Variants in RGP1 observed in about 807,000 individuals in gnomAD.
RGP1 encodes RGP1 partner of RAB6A GEF complex, also known as RAB6A-GEF complex partner protein 2.
In RGP1, 28 loss-of-function variants were observed where a neutral mutation model predicts 44.5. That is an observed-to-expected ratio of 0.63 (90% CI 0.47 to 0.86). RGP1 has a LOEUF of 0.86. RGP1 is among the 40% of genes least tolerant of loss of function. The pLI, the probability that RGP1 is intolerant of heterozygous loss-of-function variation, is 0.00. For synonymous variants in RGP1, 212 were observed against 196.7 expected (o/e 1.08, Z -0.65); for missense variants, 417 against 490.7 (o/e 0.85, Z 1.42).
the RGP1 span, among the ~76,000 whole-genome samples, chr9:35,767,228 C>G: frequency 6.7e-6 from 1 of 149,416 alleles, no homozygotes; most frequent in South Asian, 2.1e-4. Flanking sequence ...GTTCCTGTTA[C>G]TGTTGAGGTG....
At position 35,749,720 on chromosome 9, in the gene RGP1, G is replaced by A. The variant is rs764868509; in HGVS notation, c.-19-17G>A. On this transcript the variant is annotated splice_polypyrimidine_tract_variant and intron_variant, in intron 1 of 8. Transcript: ENST00000378078. The surrounding 1 kb of genome is among the most constrained non-coding windows in gnomAD (Gnocchi z 4.4). Reference sequence around the variant, plus strand: ...CTGTCAAGGTGCTGACCTCCGCCCCGCCTTGTTTCCTTCTAGATCTGATTC... The same window carrying A: ...CTGTCAAGGTGCTGACCTCCGCCCCACCTTGTTTCCTTCTAGATCTGATTC... 1.2e-5 allele frequency: 18 copies of A among 1,501,876 alleles called. No homozygotes were observed. The highest frequency in any genetic ancestry group is 2.3e-5 in the East Asian group (1 of 43,934). 93.0% of individuals were successfully genotyped at this position (1,501,876 alleles called of 1,614,324 possible). A position where few individuals can be genotyped will look rare whatever the true frequency, so the allele number is the denominator to read the frequency against.
chr9:35,774,924 C>G, the RGP1 span, among the ~76,000 whole-genome samples: 2 of 152,052 alleles, frequency 1.3e-5, no homozygotes, highest in Non-Finnish European at 2.9e-5. Flanking sequence ...TCTTTTTCAG[C>G]AGCCTCCTCC....
Position 35,753,475 on chromosome 9 carries a change from C to T in RGP1, c.*601C>T. 1 of 766,288 alleles carries T rather than the reference C, an allele frequency of 1.3e-6. No individual in the cohort carries two copies. Among genetic ancestry groups the T allele is most frequent in the Non-Finnish European group, 2.1e-6 (1 of 476,354 alleles). 47.5% of individuals were successfully genotyped at this position (766,288 alleles called of 1,614,324 possible). On this transcript the variant is annotated 3_prime_UTR_variant, in exon 9 of 9. Transcript: ENST00000378078. The surrounding 1 kb of genome is among the most constrained non-coding windows in gnomAD (Gnocchi z 4.2). The stretch of plus-strand genomic sequence containing the variant: ...CAGGAGTATTTTCTCTCCAGGTCCA[C>T]CCCAACCTCCCCTGATTTATAGCCT...
Position 35,751,983 on chromosome 9 carries a change from C to A in RGP1, c.790C>A (p.Arg264Ser). 1 of 1,588,686 alleles carries A rather than the reference C, an allele frequency of 6.3e-7. No homozygotes were observed. Among genetic ancestry groups the A allele is most frequent in the Non-Finnish European group, 8.6e-7 (1 of 1,167,606 alleles). Residue 264 changes from arginine (R) to serine (S), a missense_variant, in exon 8 of 9, where the codon CGT (arginine) becomes AGT (serine). By Grantham distance (110) the Arg-to-Ser change is moderately radical. Coordinates refer to ENST00000378078, the MANE Select transcript of RGP1 (RefSeq NM_001080496.3). ...QFSVSLQTEE[R>S]VQPEYQRRRG... ...TTCAGTCAGCTTACAGACCGAGGAGCGTGTACAGCCTGAGTACCAGCGGCG... is the reference window on the plus strand; with the variant it reads ...TTCAGTCAGCTTACAGACCGAGGAGAGTGTACAGCCTGAGTACCAGCGGCG...
chr9:35,772,742 G>A, the RGP1 span, among the ~76,000 whole-genome samples: 1 of 148,020 alleles, frequency 6.8e-6, no homozygotes, highest in South Asian at 2.1e-4. Context: ...AGTGAGCCGA[G>A]ATCGGACCAC....
the RGP1 span, among the ~76,000 whole-genome samples, chr9:35,769,375 T>C: frequency 1.3e-5 from 2 of 151,408 alleles, no homozygotes; most frequent in African/African-American, 2.5e-5. Context: ...TTGTCATTCA[T>C]TTTTTTTCTC....
At chr9:35,751,435 C>T (rs766333768) in intron 6 of RGP1, 23 bp downstream of exon 6, 7 of 1,613,406 alleles carry the variant, frequency 4.3e-6, no homozygotes, top group Non-Finnish European at 5.1e-6. Context: ...TCAGAATTGT[C>T]CTACCCCATC....
chr9:35,784,524 A>T, the RGP1 span, among the ~76,000 whole-genome samples: 1 of 152,128 alleles, frequency 6.6e-6, no homozygotes, highest in African/African-American at 2.4e-5. Context: ...ATTTCGGCTC[A>T]CTGCAACCTC....
In RGP1 at chr9:35,752,857, A is replaced by T; in HGVS notation, c.1159A>T (p.Ser387Cys). 1 of 1,613,798 alleles carries T rather than the reference A, an allele frequency of 6.2e-7. No homozygotes were observed. The highest frequency in any genetic ancestry group is 8.5e-7 in the Non-Finnish European group (1 of 1,179,824). Reference protein sequence around the residue: ...ASYAAPGPSTSTITI With the variant: ...ASYAAPGPSTCTITI ...ATATGCTGCCCCAGGCCCCAGCACC[A>T]GCACCATAACCATCTGAAACTGGCC... Residue 387 changes from serine to cysteine, a missense_variant, in exon 9 of 9, where the codon AGC (serine) becomes TGC (cysteine). By Grantham distance (112) the Ser-to-Cys change is moderately radical (BLOSUM62 -1). Transcript: ENST00000378078.
the RGP1 span, among the ~76,000 whole-genome samples, chr9:35,779,343 T>G: frequency 6.7e-6 from 1 of 149,338 alleles, no homozygotes; most frequent in Non-Finnish European, 1.5e-5. Context: ...AGCAAGGGAG[T>G]ATGAAAGAGA....
the RGP1 span, among the ~76,000 whole-genome samples, chr9:35,769,397 C>A: frequency 7.3e-6 from 1 of 136,302 alleles, no homozygotes; most frequent in Non-Finnish European, 1.5e-5. Context: ...TTCGCTCATT[C>A]TTTTATTGAG....
At chr9:35,761,098 A>G (rs1034969889), downstream of RGP1, among the ~76,000 whole-genome samples, 4 of 152,256 alleles carry the variant, frequency 2.6e-5, no homozygotes, top group African/African-American at 9.6e-5. Context: ...GGAATGATGA[A>G]TGAAGCTTTC....
At position 35,754,848 on chromosome 9, in the gene RGP1, G is replaced by A. The variant is rs1414759418; in HGVS notation, c.*1974G>A. ...TCTCTTTTCCTCAGGCATTCCAGAG[G>A]TGAACTGTCCATTGCTTATCACCTT... On this transcript the variant is annotated 3_prime_UTR_variant, in exon 9 of 9. Coordinates refer to ENST00000378078, the MANE Select transcript of RGP1 (RefSeq NM_001080496.3). The A allele has an allele frequency of 6.6e-6, 1 of 152,194 alleles. No homozygotes were observed. Among genetic ancestry groups the A allele is most frequent in the African/African-American group, 2.4e-5 (1 of 41,430 alleles). 9.4% of individuals were successfully genotyped at this position (152,194 alleles called of 1,614,324 possible). A position where few individuals can be genotyped will look rare whatever the true frequency, so the allele number is the denominator to read the frequency against.
chr9:35,771,997 T>C, the RGP1 span, among the ~76,000 whole-genome samples: 127 of 152,380 alleles, frequency 8.3e-4, no homozygotes, highest in African/African-American at 2.9e-3. Context: ...AGTTGCCATT[T>C]GTGCCAACAA....
chr9:35,751,019 G>A (rs750738355), intron 5 of RGP1, 30 bp downstream of exon 5: 1 of 1,610,510 alleles, frequency 6.2e-7, no homozygotes, highest in Non-Finnish European at 8.5e-7. Context: ...GGGAAGGGCT[G>A]GGGAAGGGCG....
chr9:35,750,587 C>A (rs1321700072), intron 3 of RGP1, 71 bp from the exon 4 acceptor site: 68 of 1,527,112 alleles, frequency 4.5e-5, no homozygotes, highest in Non-Finnish European at 6.2e-5. Context: ...TTCACTATCT[C>A]CACTTGCCGT....
At chr9:35,770,491 T>C in the RGP1 span, among the ~76,000 whole-genome samples, 2 of 88,688 alleles carry the variant, frequency 2.3e-5, no homozygotes, top group South Asian at 3.7e-4. Flanking sequence ...GGTATTACCA[T>C]GGAGAGAGAG....
At chr9:35,773,552 A>G in the RGP1 span, among the ~76,000 whole-genome samples, 1 of 151,404 alleles carries the variant, frequency 6.6e-6, no homozygotes, top group East Asian at 1.9e-4. Flanking sequence ...CCCAGGCTGG[A>G]ATGCAGTGGT....
chr9:35,785,929 C>G, the RGP1 span, among the ~76,000 whole-genome samples: 9 of 152,264 alleles, frequency 5.9e-5, no homozygotes, highest in African/African-American at 2.2e-4. Context: ...ACACTTCAGG[C>G]TTGGGTTTCT....
Sources: gnomAD v4.1 joint callset for allele counts (sites outside exome capture counted in the v4.1 genomes callset) on GRCh38, gnomAD v4.1.1 for gene constraint, Gnocchi (gnomAD v3.1) non-coding constraint, MANE v1.5 for transcripts, NCBI Gene and HGNC (gene_info 2026-07-23, HGNC 2026-07-21) for gene names.